Variants in SLC23A2 observed in about 807,000 individuals in gnomAD.
SLC23A2 encodes the protein solute carrier family 23 member 2.
In SLC23A2, 36 loss-of-function variants were observed where a neutral mutation model predicts 73.3. That is an observed-to-expected ratio of 0.49 (90% CI 0.38 to 0.65). The LOEUF (loss-of-function observed/expected upper bound fraction) is 0.65, where lower values mean the gene tolerates loss of function less well. Among genes scored for constraint, SLC23A2 ranks in the 30% least tolerant of loss-of-function variants. SLC23A2 has a pLI of 0.00. For missense variants in SLC23A2, 507 were observed against 841.6 expected, an observed-to-expected ratio of 0.60 and a Z score of 4.92; for synonymous variants, 343 against 327.3, an observed-to-expected ratio of 1.05 and a Z score of -0.52.
intron 2 of SLC23A2, among the ~76,000 whole-genome samples, chr20:4,955,502 G>A (rs761732523): frequency 4.6e-5 from 7 of 151,832 alleles, no homozygotes; most frequent in Admixed American, 3.9e-4. Flanking sequence ...TTAAAGTACC[G>A]TATAGGTTGG....
intron 16 of SLC23A2, 109 bp downstream of exon 16, chr20:4,859,180 G>T: frequency 1.4e-6 from 1 of 712,668 alleles, no homozygotes; most frequent in Non-Finnish European, 2.5e-6. Flanking sequence ...ACCAGTGATG[G>T]CTTTGAACTC....
chr20:4,880,440 G>A (rs983847355), intron 9 of SLC23A2, among the ~76,000 whole-genome samples: 4 of 152,148 alleles, frequency 2.6e-5, no homozygotes, highest in African/African-American at 9.7e-5. Flanking sequence ...TGGGGGTGCA[G>A]AGGTGACCCA....
chr20:4,961,099 TTTTC>T (rs1198734220), intron 2 of SLC23A2, among the ~76,000 whole-genome samples: 4 of 151,348 alleles, frequency 2.6e-5, no homozygotes, highest in Non-Finnish European at 2.9e-5. Flanking sequence ...CCTTTTTTTT[TTTTC>T]TTTTTCTTTT....
chr20:4,898,567 G>C (rs995541646), intron 6 of SLC23A2, among the ~76,000 whole-genome samples: 1 of 152,236 alleles, frequency 6.6e-6, no homozygotes, highest in Non-Finnish European at 1.5e-5. Flanking sequence ...GCCAGAGCAG[G>C]CTCCACTTCC....
At chr20:4,974,948 G>A (rs1387743371) in intron 1 of SLC23A2, among the ~76,000 whole-genome samples, 3 of 151,832 alleles carry the variant, frequency 2.0e-5, no homozygotes, top group South Asian at 2.1e-4. Context: ...CACCACACCT[G>A]GCTAATTTTT....
chr20:4,936,875 C>T (rs903624429), intron 2 of SLC23A2, among the ~76,000 whole-genome samples: 7 of 152,138 alleles, frequency 4.6e-5, no homozygotes, highest in African/African-American at 1.2e-4. Context: ...AAGCCTTAGA[C>T]CTGAAAGAGC....
chr20:5,006,948 CGTGT>C (rs375441910), intron 1 of SLC23A2, among the ~76,000 whole-genome samples: 22,563 of 148,054 alleles, frequency 0.15, 1,765 homozygotes, highest in African/African-American at 0.2. Flanking sequence ...CCTGAAATGA[CGTGT>C]GTGTGTGTGT....
intron 1 of SLC23A2, among the ~76,000 whole-genome samples, chr20:4,977,512 C>A (rs1228406193): frequency 6.6e-6 from 1 of 151,418 alleles, no homozygotes; most frequent in Non-Finnish European, 1.5e-5. Context: ...CATGGTGAAA[C>A]CCTCCCATCC....
Position 4,862,070 on chromosome 20 carries a change from A to G in SLC23A2, c.1502T>C (p.Val501Ala). 1 of 1,614,208 alleles carries G rather than the reference A, an allele frequency of 6.2e-7. No homozygotes were observed. Among genetic ancestry groups the G allele is most frequent in the South Asian group, 1.1e-5 (1 of 91,090 alleles). Reference protein sequence around the residue: ...FCTLFGMITAVGLSNLQFIDL... With the variant: ...FCTLFGMITAAGLSNLQFIDL... ...AATGAACTGCAGGTTAGAGAGGCCA[A>G]CAGCTGTGATCATTCCTGGAGAAAA... is the stretch of plus-strand genomic sequence containing the variant. Residue 501 changes from valine to alanine, a missense_variant, in exon 15 of 17, where the codon GTT becomes GCT. Transcript: ENST00000338244. This position sits in a 1 kb window ranked among gnomAD's most constrained non-coding sequence, Gnocchi z 5.1.
In SLC23A2 at chr20:4,997,706, C is replaced by A. The variant is rs538610280; in HGVS notation, c.-282+3700G>T. Among the ~76,000 whole-genome samples the A allele has an allele frequency of 1.2e-4, 18 of 152,256 alleles. No individual in the cohort carries two copies. In the East Asian group the frequency reaches 3.5e-3, roughly 29 times the overall value. The stretch of plus-strand genomic sequence containing the variant: ...GTGGCACAATCATGGCTCACTGCAG[C>A]CTCAACCTCTTGGGCTCAAGCAATC... On this transcript the variant is annotated intron_variant, in intron 1 of 16. Transcript: ENST00000338244.
At chr20:4,929,599 A>G (rs1932763162) in intron 3 of SLC23A2, among the ~76,000 whole-genome samples, 1 of 152,262 alleles carries the variant, frequency 6.6e-6, no homozygotes, top group Admixed American at 6.5e-5. Context: ...GACTTCATAT[A>G]GTATATCAGG....
intron 10 of SLC23A2, 75 bp from the exon 11 acceptor site, chr20:4,874,167 G>C (rs911862252): frequency 6.9e-7 from 1 of 1,455,974 alleles, no homozygotes; most frequent in Admixed American, 1.9e-5. Context: ...TCTTCCCGCG[G>C]TCGGAATATC....
At chr20:4,867,154 CTGTG>C (rs1453802533) in intron 13 of SLC23A2, among the ~76,000 whole-genome samples, 1 of 152,018 alleles carries the variant, frequency 6.6e-6, no homozygotes, top group African/African-American at 2.4e-5. Context: ...ACCTGCCTGC[CTGTG>C]TAACCTGCTC....
intron 2 of SLC23A2, among the ~76,000 whole-genome samples, chr20:4,937,461 C>G (rs1205077868): frequency 6.6e-6 from 1 of 152,112 alleles, no homozygotes; most frequent in Admixed American, 6.6e-5. Context: ...GCGACAATGG[C>G]AGTAATAACT....
intron 2 of SLC23A2, among the ~76,000 whole-genome samples, chr20:4,955,025 C>A (rs1490592243): frequency 1.3e-5 from 2 of 152,118 alleles, no homozygotes; most frequent in Admixed American, 1.3e-4. Context: ...CCAGAAGGAT[C>A]ACTTCAGGCC....
intron 1 of SLC23A2, among the ~76,000 whole-genome samples, chr20:4,973,515 C>G (rs146714655): frequency 4.7e-4 from 72 of 152,258 alleles, no homozygotes; most frequent in African/African-American, 2.4e-4. Flanking sequence ...AGAACTGGGT[C>G]AGAGGTTTTA....
In SLC23A2 at chr20:4,960,023, A is replaced by G. The variant is rs149254721; in HGVS notation, c.-155+10770T>C. Among the ~76,000 whole-genome samples the G allele has an allele frequency of 3.7e-3, 567 of 152,068 alleles. 4 individuals are homozygous for G. Among genetic ancestry groups the G allele is most frequent in the African/African-American group, 0.012 (478 of 41,472 alleles). ...TGCCCAGGCTGGTCTCAAACTCCTG[A>G]GCTCAAGAGATTCTCCCACCTCAGC... On this transcript the variant is annotated intron_variant, in intron 2 of 16. Coordinates refer to ENST00000338244, the MANE Select transcript of SLC23A2 (RefSeq NM_005116.6).
intron 2 of SLC23A2, among the ~76,000 whole-genome samples, chr20:4,941,409 C>A (rs938469510): frequency 6.6e-6 from 1 of 151,910 alleles, no homozygotes; most frequent in African/African-American, 2.4e-5. Context: ...CAAAACAATA[C>A]CATATTGTAC....
chr20:4,856,961 C>T lies in SLC23A2; in HGVS notation c.*11G>A. Reference sequence around the variant, plus strand: ...GCCTCACTGCGGCCAGGCCACAGGGCACAGCAAAGGCTATCCCGTGGCCTG... The same window carrying T: ...GCCTCACTGCGGCCAGGCCACAGGGTACAGCAAAGGCTATCCCGTGGCCTG... On this transcript the variant is annotated 3_prime_UTR_variant, in exon 17 of 17. Coordinates refer to ENST00000338244, the MANE Select transcript of SLC23A2 (RefSeq NM_005116.6). This position sits in a 1 kb window ranked among gnomAD's most constrained non-coding sequence, Gnocchi z 4.6. 1 of 1,589,178 alleles carries T rather than the reference C, an allele frequency of 6.3e-7. No homozygotes were observed. The highest frequency in any genetic ancestry group is 8.6e-7 in the Non-Finnish European group (1 of 1,158,342).
Sources: allele counts gnomAD v4.1 joint callset (sites outside exome capture counted in the v4.1 genomes callset), GRCh38; gene constraint gnomAD v4.1.1; non-coding constraint Gnocchi (gnomAD v3.1); transcripts MANE v1.5; gene names NCBI Gene and HGNC (gene_info 2026-07-23, HGNC 2026-07-21).